Variants in ZNF492 observed in about 807,000 individuals in gnomAD.
The protein encoded by ZNF492 is zinc finger protein 115 (Y20).
In ZNF492, 3 loss-of-function variants were observed where a neutral mutation model predicts 6.4. The observed-to-expected ratio is 0.47, with a 90% CI of 0.21 to 1.22. The LOEUF (loss-of-function observed/expected upper bound fraction) is 1.22, where lower values mean the gene tolerates loss of function less well. Among genes scored for constraint, ZNF492 ranks in the 50% most tolerant of loss-of-function variants. The pLI is 0.22. For missense variants in ZNF492, 356 were observed against 612.5 expected (o/e 0.58, Z 4.42); for synonymous variants, 112 against 205.3 (o/e 0.55, Z 3.89).
At chr19:22,647,574 A>G (rs1327708005) in intron 1 of ZNF492, among the ~76,000 whole-genome samples, 1 of 146,780 alleles carries the variant, frequency 6.8e-6, no homozygotes, top group African/African-American at 2.6e-5. Flanking sequence ...CTATTTTGTT[A>G]ATTTTTTCAA....
intron 1 of ZNF492, among the ~76,000 whole-genome samples, chr19:22,637,891 TTTGAC>T (rs1879829890): frequency 6.6e-6 from 1 of 152,196 alleles, no homozygotes; most frequent in Admixed American, 6.5e-5. Flanking sequence ...TCTGTTATGT[TTTGAC>T]TTTCTAATAC....
At chr19:22,644,465 G>A (rs754797994) in intron 1 of ZNF492, among the ~76,000 whole-genome samples, 6 of 152,124 alleles carry the variant, frequency 3.9e-5, no homozygotes, top group Non-Finnish European at 8.8e-5. Flanking sequence ...ACTTATGAGT[G>A]AGAACATGCG....
intron 1 of ZNF492, among the ~76,000 whole-genome samples, chr19:22,635,242 G>A (rs893121867): frequency 4.6e-5 from 7 of 151,670 alleles, no homozygotes; most frequent in African/African-American, 1.2e-4. Flanking sequence ...TCTATTTGCC[G>A]CCACATGGGG....
rs1002797748 is a variant in ZNF492, at chr19:22,665,813, A to T, written c.*548A>T. On this transcript the variant is annotated 3_prime_UTR_variant, in exon 4 of 4. Transcript: ENST00000456783. Reference sequence around the variant, plus strand: ...AGAGTTCATATTAAAATATTTTTGCATATACAGTAAATAGAAAAAAATATT... The same window carrying T: ...AGAGTTCATATTAAAATATTTTTGCTTATACAGTAAATAGAAAAAAATATT... The T allele has an allele frequency of 6.5e-6, 1 of 153,288 alleles. No individual in the cohort carries two copies. The highest frequency in any genetic ancestry group is 1.5e-5 in the Non-Finnish European group (1 of 68,760). 9.5% of individuals were successfully genotyped at this position (153,288 alleles called of 1,614,324 possible). A position where few individuals can be genotyped will look rare whatever the true frequency, so the allele number is the denominator to read the frequency against.
rs1251502899 is a variant in ZNF492 at position 22,634,360 on chromosome 19, T to C, written c.-208T>C. On this transcript the variant is annotated 5_prime_UTR_variant, in exon 1 of 4. Coordinates refer to ENST00000456783, the MANE Select transcript of ZNF492 (RefSeq NM_020855.3). ...TCGCTGCAGTCGGAGTATGGTCTAG[T>C]GTTCGCTGTTCTGCGTCCTCTGGTC... 1.8e-6 allele frequency: 2 copies of C among 1,115,190 alleles called. No homozygotes were observed. The highest frequency in any genetic ancestry group is 2.6e-6 in the Non-Finnish European group (2 of 759,926). 69.1% of individuals were successfully genotyped at this position (1,115,190 alleles called of 1,614,324 possible). A position where few individuals can be genotyped will look rare whatever the true frequency, so the allele number is the denominator to read the frequency against.
chr19:22,636,591 A>G (rs2145239648), intron 1 of ZNF492, among the ~76,000 whole-genome samples: 1 of 150,368 alleles, frequency 6.7e-6, no homozygotes, highest in African/African-American at 2.4e-5. Context: ...GCCACACAGT[A>G]TTCCGTGATA....
intron 1 of ZNF492, among the ~76,000 whole-genome samples, chr19:22,652,429 A>G (rs1971950033): frequency 6.7e-6 from 1 of 149,760 alleles, no homozygotes. Context: ...GAAAGCTCTC[A>G]TCTTTGTTTA....
chr19:22,646,342 C>G (rs1295674161), intron 1 of ZNF492, among the ~76,000 whole-genome samples: 2 of 152,106 alleles, frequency 1.3e-5, no homozygotes, highest in Non-Finnish European at 2.9e-5. Flanking sequence ...TATAGGAATG[C>G]CTGTGATTTT....
chr19:22,648,401 ACT>A (rs1879394697), intron 1 of ZNF492, among the ~76,000 whole-genome samples: 1 of 152,192 alleles, frequency 6.6e-6, no homozygotes, highest in African/African-American at 2.4e-5. Context: ...GCCATGTGGC[ACT>A]GAGAAGAATG....
intron 1 of ZNF492, among the ~76,000 whole-genome samples, chr19:22,642,929 G>T (rs2145245548): frequency 6.6e-6 from 1 of 152,254 alleles, no homozygotes; most frequent in East Asian, 1.9e-4. Flanking sequence ...ACAGAAACTT[G>T]ATTATCCAAG....
chr19:22,666,796 C>T lies in ZNF492; in HGVS notation c.*1531C>T, dbSNP rs1972134405. On this transcript the variant is annotated 3_prime_UTR_variant, in exon 4 of 4. Coordinates refer to ENST00000456783, the MANE Select transcript of ZNF492 (RefSeq NM_020855.3). ...ATTTTACTTTTATGAAAATGCAGTA[C>T]ATGTTAAAAATTTTAGATTATGTGT... 1.3e-5 allele frequency: 2 copies of T among 152,098 alleles called. No individual in the cohort carries two copies. The highest frequency in any genetic ancestry group is 1.3e-4 in the Admixed American group (2 of 15,264). 9.4% of individuals were successfully genotyped at this position (152,098 alleles called of 1,614,324 possible).
rs1599393317 is a variant in ZNF492 at position 22,637,383 on chromosome 19, C to A, written c.-94+2909C>A. Among the ~76,000 whole-genome samples, 9 of 152,158 alleles carry A rather than the reference C, an allele frequency of 5.9e-5. 1 individual carries two copies. The South Asian group carries it at 1.9e-3, about 32-fold the overall frequency. On this transcript the variant is annotated intron_variant, in intron 1 of 3. Transcript: ENST00000456783. ...TCAGCTTACTGCAGCCTTAACCTCC[C>A]AGGCTCAAGCAATCCTCTTCTACTT...
In ZNF492 at chr19:22,665,456, A is replaced by C. The variant is rs1972115041; in HGVS notation, c.*191A>C. On this transcript the variant is annotated 3_prime_UTR_variant, in exon 4 of 4. Transcript: ENST00000456783. ...TGTACAAATATAAAGAAAGTAAAAA[A>C]GTGATTAATATCTGTGCACATCTTA... 1.7e-6 allele frequency: 2 copies of C among 1,188,210 alleles called. No homozygotes were observed. The highest frequency in any genetic ancestry group is 1.7e-5 in the South Asian group (1 of 58,252). The allele number at this position is 1,188,210 out of a possible 1,614,324, so 73.6% of individuals were successfully genotyped here.
chr19:22,648,101 T>C (rs1376341195), intron 1 of ZNF492, among the ~76,000 whole-genome samples: 2 of 152,192 alleles, frequency 1.3e-5, no homozygotes, highest in African/African-American at 2.4e-5. Flanking sequence ...TGTGGGCATT[T>C]GGTGCTATAA....
At chr19:22,646,220 T>G (rs1311103516) in intron 1 of ZNF492, among the ~76,000 whole-genome samples, 1 of 152,212 alleles carries the variant, frequency 6.6e-6, no homozygotes, top group Non-Finnish European at 1.5e-5. Flanking sequence ...GTAGTTCTCC[T>G]TGAAGAGGTC....
At chr19:22,658,321 G>A (rs971439574) in intron 3 of ZNF492, among the ~76,000 whole-genome samples, 1 of 151,516 alleles carries the variant, frequency 6.6e-6, no homozygotes, top group Non-Finnish European at 1.5e-5. Context: ...GATTGAGGAG[G>A]GAGGATTACT....
chr19:22,646,836 T>G (rs904124664), intron 1 of ZNF492, among the ~76,000 whole-genome samples: 35 of 152,332 alleles, frequency 2.3e-4, no homozygotes, highest in African/African-American at 8.4e-4. Context: ...TTTGCATATG[T>G]TGAACCAGCC....
intron 3 of ZNF492, among the ~76,000 whole-genome samples, chr19:22,655,582 T>G (rs1402211034): frequency 6.6e-6 from 1 of 151,390 alleles, no homozygotes; most frequent in Non-Finnish European, 1.5e-5. Context: ...TTAATTAGGT[T>G]TTAAATGTAC....
intron 3 of ZNF492, among the ~76,000 whole-genome samples, chr19:22,661,555 A>T (rs569290000): frequency 6.6e-6 from 1 of 152,050 alleles, no homozygotes; most frequent in South Asian, 2.1e-4. Flanking sequence ...CCTTGTCTAA[A>T]ATTTTGTGTT....
Sources: gnomAD v4.1 joint callset for allele counts (sites outside exome capture counted in the v4.1 genomes callset) on GRCh38, gnomAD v4.1.1 for gene constraint, MANE v1.5 for transcripts, NCBI Gene and HGNC (gene_info 2026-07-23, HGNC 2026-07-21) for gene names.